The following ABRACL variants were observed in gnomAD, a reference collection of about 807,000 sequenced individuals.
ABRACL encodes the protein ABRA C-terminal like.
In ABRACL, 4 loss-of-function variants were observed where a neutral mutation model predicts 7.0. The ratio of observed to expected loss-of-function variants is 0.57; its 90% CI spans 0.28 to 1.30. The LOEUF is 1.30. ABRACL is among the 50% of genes most tolerant of loss of function. The pLI is 0.10. For synonymous variants in ABRACL, 30 were observed against 36.0 expected (o/e 0.83, Z 0.60); for missense variants, 104 against 97.3 (o/e 1.07, Z -0.29).
chr6:139,034,694 C>T (rs1582899662), intron 2 of ABRACL: 1 of 223,002 alleles, frequency 4.5e-6, no homozygotes, highest in East Asian at 9.9e-5. Context: ...ACTAAATTGT[C>T]TTTATTTTCT....
intron 1 of ABRACL, among the ~76,000 whole-genome samples, chr6:139,031,111 C>T (rs751053130): frequency 4.6e-5 from 7 of 152,238 alleles, no homozygotes; most frequent in African/African-American, 9.6e-5. Flanking sequence ...AACATCTTTC[C>T]GGGGTCGGGA....
intron 2 of ABRACL, 88 bp from the exon 3 acceptor site, chr6:139,042,631 T>C (rs1786268819): frequency 7.7e-7 from 1 of 1,301,742 alleles, no homozygotes; most frequent in Non-Finnish European, 1.1e-6. Flanking sequence ...CCCATAGTTA[T>C]AAATTTATTA....
intron 2 of ABRACL, among the ~76,000 whole-genome samples, chr6:139,035,853 G>A (rs1786147429): frequency 6.8e-6 from 1 of 147,186 alleles, no homozygotes; most frequent in Non-Finnish European, 1.5e-5. Flanking sequence ...TGTAATCCCA[G>A]CACTTTGGGA....
At chr6:139,036,714 T>G (rs1786161773) in intron 2 of ABRACL, among the ~76,000 whole-genome samples, 1 of 152,178 alleles carries the variant, frequency 6.6e-6, no homozygotes, top group Non-Finnish European at 1.5e-5. Context: ...CCAGGTGCCA[T>G]GGCTCAGGCC....
chr6:139,038,481 G>A (rs767389641), intron 2 of ABRACL, among the ~76,000 whole-genome samples: 1 of 152,118 alleles, frequency 6.6e-6, no homozygotes, highest in Non-Finnish European at 1.5e-5. Context: ...TTTTGCTTTA[G>A]TCTACATATG....
intron 1 of ABRACL, among the ~76,000 whole-genome samples, chr6:139,032,368 G>A (rs1332284695): frequency 6.6e-6 from 1 of 152,186 alleles, no homozygotes; most frequent in East Asian, 1.9e-4. Context: ...TTACAGATAT[G>A]ACTTCACCAA....
At chr6:139,034,595 C>CT (rs201080784) in intron 2 of ABRACL, 37 of 523,264 alleles carry the variant, frequency 7.1e-5, no homozygotes, top group African/African-American at 1.6e-4. Context: ...TTACAAACTT[C>CT]TTTTTTTTCA....
chr6:139,041,451 C>CTCTCTATATA (rs140091253), intron 2 of ABRACL, among the ~76,000 whole-genome samples: 197 of 110,022 alleles, frequency 1.8e-3, no homozygotes, highest in Middle Eastern at 4.9e-3. Context: ...CTCTCTCTCT[C>CTCTCTATATA]TATATATATA....
At chr6:139,030,715 T>C (rs1786069063) in intron 1 of ABRACL, among the ~76,000 whole-genome samples, 1 of 152,178 alleles carries the variant, frequency 6.6e-6, no homozygotes, top group Non-Finnish European at 1.5e-5. Context: ...CTCACTATTA[T>C]ATTTAGTGTA....
rs77662389 is a variant in ABRACL, at chr6:139,032,827, C to G, written c.-6-1328C>G. Among the ~76,000 whole-genome samples the G allele has an allele frequency of 9.9e-4, 151 of 152,304 alleles. 2 individuals are homozygous for G. The East Asian group carries it at 0.021, about 21-fold the overall frequency. ...AGGTGTACTTCCAATCCCTCTCATG[C>G]CTTTGCGTGTTCTTTTCAGTTCATG... On this transcript the variant is annotated intron_variant, in intron 1 of 2. Transcript: ENST00000367660.
intron 1 of ABRACL, among the ~76,000 whole-genome samples, chr6:139,033,793 T>C (rs1427404606): frequency 6.6e-6 from 1 of 151,712 alleles, no homozygotes. Context: ...GGGCAGATCC[T>C]GTGCTACACA....
intron 1 of ABRACL, among the ~76,000 whole-genome samples, chr6:139,032,773 C>G (rs991242826): frequency 2.0e-5 from 3 of 152,148 alleles, no homozygotes; most frequent in Non-Finnish European, 2.9e-5. Flanking sequence ...CATCTTCTAC[C>G]CAGTTGCTCA....
intron 2 of ABRACL, among the ~76,000 whole-genome samples, chr6:139,040,945 C>A (rs1428004937): frequency 1.3e-5 from 2 of 152,172 alleles, no homozygotes; most frequent in Admixed American, 1.3e-4. Context: ...TGCTTTCGAA[C>A]TGTGTCTCCT....
intron 2 of ABRACL, among the ~76,000 whole-genome samples, chr6:139,035,206 G>C (rs1348001680): frequency 2.0e-5 from 3 of 152,168 alleles, no homozygotes; most frequent in African/African-American, 7.2e-5. Flanking sequence ...GTGGTTTTCT[G>C]TTCCTGCTGT....
Position 139,043,223 on chromosome 6 carries a change from CA to C in ABRACL, c.*322del, listed in dbSNP as rs1464971471. 54 of 183,616 alleles carry C rather than the reference CA, an allele frequency of 2.9e-4. No homozygotes were observed. Among genetic ancestry groups the C allele is most frequent in the African/African-American group, 1.2e-3 (52 of 42,610 alleles). 11.4% of individuals were successfully genotyped at this position (183,616 alleles called of 1,614,324 possible). On this transcript the variant is annotated 3_prime_UTR_variant, in exon 3 of 3. Coordinates refer to ENST00000367660, the MANE Select transcript of ABRACL (RefSeq NM_021243.3). ...ATAGATATTTGACATTCTGCGAAAG[CA>C]ACAAGCAAACTGAAGACCAACTCCT...
At chr6:139,042,404 G>A (rs1363620501) in intron 2 of ABRACL, among the ~76,000 whole-genome samples, 4 of 152,142 alleles carry the variant, frequency 2.6e-5, no homozygotes, top group African/African-American at 4.8e-5. Context: ...AAAAACTCAC[G>A]TAACAATTAA....
At chr6:139,030,693 A>G (rs1046517843) in intron 1 of ABRACL, among the ~76,000 whole-genome samples, 1 of 152,220 alleles carries the variant, frequency 6.6e-6, no homozygotes, top group Admixed American at 6.5e-5. Context: ...GTCACGTTTC[A>G]TACAAATACC....
At chr6:139,030,694 T>C (rs1167491846) in intron 1 of ABRACL, among the ~76,000 whole-genome samples, 2 of 152,230 alleles carry the variant, frequency 1.3e-5, no homozygotes, top group Non-Finnish European at 2.9e-5. Flanking sequence ...TCACGTTTCA[T>C]ACAAATACCA....
In ABRACL at chr6:139,043,197, T is replaced by C. The variant is rs1786279659; in HGVS notation, c.*294T>C. The C allele has an allele frequency of 4.6e-6, 1 of 215,188 alleles. No homozygotes were observed. Among genetic ancestry groups the C allele is most frequent in the Non-Finnish European group, 9.1e-6 (1 of 110,214 alleles). 13.3% of individuals were successfully genotyped at this position (215,188 alleles called of 1,614,324 possible). On this transcript the variant is annotated 3_prime_UTR_variant, in exon 3 of 3. Transcript: ENST00000367660. Reference sequence around the variant, plus strand: ...TGTTCATAAATAATTAGACATTTTCTATAGATATTTGACATTCTGCGAAAG... The same window carrying C: ...TGTTCATAAATAATTAGACATTTTCCATAGATATTTGACATTCTGCGAAAG...
Sources: allele counts gnomAD v4.1 joint callset (sites outside exome capture counted in the v4.1 genomes callset), GRCh38; gene constraint gnomAD v4.1.1; transcripts MANE v1.5; gene names NCBI Gene and HGNC (gene_info 2026-07-23, HGNC 2026-07-21).